SIK3: variants seen among roughly 807,000 people sequenced by gnomAD.
SIK3 encodes SIK family kinase 3, also known as serine/threonine-protein kinase SIK3.
Under a neutral mutation model 144.2 loss-of-function variants are expected in SIK3, and 28 were observed. That is an observed-to-expected ratio of 0.19 (90% CI 0.14 to 0.27). The LOEUF (loss-of-function observed/expected upper bound fraction) is 0.27. Ranked by LOEUF, SIK3 falls within the 10% of genes least tolerant of loss-of-function variation. The pLI is 1.00. For synonymous variants in SIK3, 686 were observed against 676.3 expected, an observed-to-expected ratio of 1.01 and a Z score of -0.22; for missense variants, 1,319 against 1,776.0, an observed-to-expected ratio of 0.74 and a Z score of 4.62.
chr11:117,050,355 G>A (rs1047412964), intron 1 of SIK3, among the ~76,000 whole-genome samples: 3 of 151,916 alleles, frequency 2.0e-5, no homozygotes, highest in African/African-American at 7.2e-5. Flanking sequence ...TACAGGACTC[G>A]ATGTACTAAT....
chr11:116,998,449 C>T lies in SIK3; in HGVS notation c.274-41385G>A, dbSNP rs182797671. ...TCATGCCATTGCACTCCAGCATGGG[C>T]GAAAGAACAAGACTCCGTCTTAAAA... On this transcript the variant is annotated intron_variant, in intron 1 of 24. Coordinates refer to ENST00000445177, the MANE Select transcript of SIK3 (RefSeq NM_001366686.3). Among the ~76,000 whole-genome samples the T allele has an allele frequency of 2.3e-3, 308 of 133,290 alleles. 3 individuals carry two copies. Among genetic ancestry groups the T allele is most frequent in the African/African-American group, 8.2e-3 (286 of 34,836 alleles). 87.4% of individuals were successfully genotyped at this position (133,290 alleles called of 152,430 possible).
At chr11:116,888,402 G>T (rs1944937960) in intron 6 of SIK3, among the ~76,000 whole-genome samples, 1 of 152,192 alleles carries the variant, frequency 6.6e-6, no homozygotes, top group Non-Finnish European at 1.5e-5. Context: ...AGATACAACT[G>T]TGCCCAGAAA....
At chr11:116,857,560 T>G (rs1310024850) in intron 21 of SIK3, 1 of 510,114 alleles carries the variant, frequency 2.0e-6, no homozygotes, top group Non-Finnish European at 3.2e-6. Flanking sequence ...AACTGTGGTA[T>G]GAATAAGGGA....
rs1397587619 is a variant in SIK3 at position 116,846,217 on chromosome 11, T to C, written c.*13+166A>G. ...CCACCCCTACCTCGCGCCCTAAAAC[T>C]AGCAGCGTCGTTAATGAAAAGCAAG... On this transcript the variant is annotated intron_variant, in intron 24 of 24. Coordinates refer to ENST00000445177, the MANE Select transcript of SIK3 (RefSeq NM_001366686.3). This position sits in a 1 kb window ranked among gnomAD's most constrained non-coding sequence, Gnocchi z 4.1. Among the ~76,000 whole-genome samples the C allele has an allele frequency of 6.6e-6, 1 of 152,188 alleles. No homozygotes were observed. Among genetic ancestry groups the C allele is most frequent in the Non-Finnish European group, 1.5e-5 (1 of 68,042 alleles).
chr11:116,978,034 C>T (rs1050786376), intron 1 of SIK3, among the ~76,000 whole-genome samples: 3 of 152,092 alleles, frequency 2.0e-5, no homozygotes, highest in Non-Finnish European at 4.4e-5. Context: ...CTGGCTAACA[C>T]GGTGAAACCC....
In SIK3 at chr11:116,876,986, T is replaced by C. The variant is rs1407337985; in HGVS notation, c.922A>G (p.Met308Val). Reference sequence around the variant, plus strand: ...CACTTGTGCTTGCAGATCTGCTCCATGGAGAGGCGCTTATTGGGATCTAAC... The same window carrying C: ...CACTTGTGCTTGCAGATCTGCTCCACGGAGAGGCGCTTATTGGGATCTAAC... ...LVLDPNKRLS[M>V]EQICKHKWMK... The change falls in exon 7 of 25, where the codon ATG (methionine) becomes GTG (valine). Residue 308 changes from methionine to valine, a missense_variant. Physicochemically the swap from Met to Val is conservative, Grantham distance 21. Coordinates refer to ENST00000445177, the MANE Select transcript of SIK3 (RefSeq NM_001366686.3). 1 of 1,614,088 alleles carries C rather than the reference T, an allele frequency of 6.2e-7. No homozygotes were observed. The highest frequency in any genetic ancestry group is 8.5e-7 in the Non-Finnish European group (1 of 1,180,006).
At chr11:116,933,905 C>T (rs183444143) in intron 3 of SIK3, among the ~76,000 whole-genome samples, 175 of 152,288 alleles carry the variant, frequency 1.1e-3, no homozygotes, top group African/African-American at 3.5e-3. Flanking sequence ...ACATATGCCA[C>T]CTTGCTATTT....
At chr11:117,087,002 A>G (rs1955044922) in intron 1 of SIK3, among the ~76,000 whole-genome samples, 1 of 151,410 alleles carries the variant, frequency 6.6e-6, no homozygotes, top group African/African-American at 2.4e-5. Flanking sequence ...CTCAAAAAAA[A>G]AAAAAAAAAA....
chr11:117,004,122 T>C (rs992994553), intron 1 of SIK3, among the ~76,000 whole-genome samples: 1 of 152,200 alleles, frequency 6.6e-6, no homozygotes, highest in Admixed American at 6.5e-5. Context: ...GTTGACAGAA[T>C]GCAACCCTGA....
intron 3 of SIK3, among the ~76,000 whole-genome samples, chr11:116,938,219 G>A (rs1179992113): frequency 7.4e-5 from 7 of 94,700 alleles, no homozygotes; most frequent in East Asian, 3.2e-4. Context: ...GGAGGGGAGG[G>A]GAGGGGAGGG....
At chr11:117,015,398 CTTTA>C (rs1022783694) in intron 1 of SIK3, among the ~76,000 whole-genome samples, 1 of 151,898 alleles carries the variant, frequency 6.6e-6, no homozygotes, top group African/African-American at 2.4e-5. Context: ...GCTATAACCA[CTTTA>C]TTTATTTATT....
intron 6 of SIK3, among the ~76,000 whole-genome samples, chr11:116,883,980 G>T (rs377103082): frequency 4.6e-4 from 70 of 152,050 alleles, no homozygotes; most frequent in African/African-American, 1.6e-3. Flanking sequence ...TACAGTAAAT[G>T]TGCTAACCTA....
intron 1 of SIK3, among the ~76,000 whole-genome samples, chr11:117,001,092 C>T (rs1268496266): frequency 6.6e-6 from 1 of 152,232 alleles, no homozygotes; most frequent in Admixed American, 6.5e-5. Flanking sequence ...AGTTCTTCCA[C>T]TCTAGTGGGT....
intron 1 of SIK3, among the ~76,000 whole-genome samples, chr11:117,049,095 A>G (rs529369624): frequency 1.3e-4 from 19 of 151,934 alleles, no homozygotes; most frequent in African/African-American, 4.6e-4. Flanking sequence ...CTGGAGTGAG[A>G]CTCCATCTCA....
chr11:116,986,906 A>G (rs1314125862), intron 1 of SIK3, among the ~76,000 whole-genome samples: 1 of 152,146 alleles, frequency 6.6e-6, no homozygotes, highest in Non-Finnish European at 1.5e-5. Flanking sequence ...AAGCTAAACA[A>G]ATACTGGCTC....
At position 116,902,709 on chromosome 11, in the gene SIK3, C is replaced by T. The variant is rs975810805; in HGVS notation, c.617-5392G>A. Among the ~76,000 whole-genome samples, 5 of 152,210 alleles carry T rather than the reference C, an allele frequency of 3.3e-5. No homozygotes were observed. In the East Asian group the frequency reaches 5.8e-4, roughly 18 times the overall value. On this transcript the variant is annotated intron_variant, in intron 4 of 24. Transcript: ENST00000445177. ...AAATCCTCTAGTCTCAGAAACCTGT[C>T]GAGAGGTCTTCTATAATCATTCCAA...
intron 14 of SIK3, 42 bp downstream of exon 14, chr11:116,870,289 C>G: frequency 6.2e-7 from 1 of 1,613,042 alleles, no homozygotes. Flanking sequence ...GCAGGGGAGC[C>G]TGCCCAGGGG....
At chr11:117,033,807 A>G (rs1952375400) in intron 1 of SIK3, among the ~76,000 whole-genome samples, 2 of 152,038 alleles carry the variant, frequency 1.3e-5, no homozygotes, top group South Asian at 4.1e-4. Context: ...GATAATGGAT[A>G]TAAGAAGATT....
At chr11:117,093,261 C>A (rs902214811) in intron 1 of SIK3, among the ~76,000 whole-genome samples, 2 of 152,188 alleles carry the variant, frequency 1.3e-5, no homozygotes, top group African/African-American at 4.8e-5. Context: ...TTAAACTCTT[C>A]TTTAGAGGTG....
Sources: allele counts gnomAD v4.1 joint callset (sites outside exome capture counted in the v4.1 genomes callset), GRCh38; gene constraint gnomAD v4.1.1; non-coding constraint Gnocchi (gnomAD v3.1); transcripts MANE v1.5; gene names NCBI Gene and HGNC (gene_info 2026-07-23, HGNC 2026-07-21).